The following TRPC5 variants were observed in gnomAD, a reference collection of about 807,000 sequenced individuals.
The protein encoded by TRPC5 is transient receptor potential cation channel subfamily C member 5, also known as short transient receptor potential channel 5.
In TRPC5, 9 loss-of-function variants were observed where a neutral mutation model predicts 56.5. That is an observed-to-expected ratio of 0.16 (90% confidence interval 0.10 to 0.28). The LOEUF is 0.28. TRPC5 is among the 10% of genes least tolerant of loss of function. The pLI, the probability that TRPC5 is intolerant of heterozygous loss-of-function variation, is 1.00. For missense variants in TRPC5, 469 were observed against 748.9 expected, an observed-to-expected ratio of 0.63 and a Z score of 4.36; for synonymous variants, 282 against 278.5, an observed-to-expected ratio of 1.01 and a Z score of -0.13.
chrX:111,781,031 T>C, intron 9 of TRPC5, 134 bp downstream of exon 9: 1 of 640,487 alleles, frequency 1.6e-6, no homozygotes, highest in East Asian at 3.3e-5. Context: ...CAGCCCTTGA[T>C]AAATTACAGC....
At chrX:111,910,678 C>G (rs185125061) in intron 3 of TRPC5, among the ~76,000 whole-genome samples, 6,518 of 111,206 alleles carry the variant, frequency 0.059, 193 homozygotes, top group Middle Eastern at 0.12. Context: ...ATTACATGCA[C>G]CTGCCACCAC....
At chrX:111,973,339 C>T (rs1927833205) in intron 1 of TRPC5, among the ~76,000 whole-genome samples, 1 of 112,033 alleles carries the variant, frequency 8.9e-6, no homozygotes, top group African/African-American at 3.2e-5. Context: ...TAAAGTATTA[C>T]TGCTCACAGG....
rs994782597 is a variant in TRPC5, at chrX:111,770,871, T to G, written c.*5442A>C. On this transcript the variant is annotated 3_prime_UTR_variant, in exon 11 of 11. Coordinates refer to ENST00000262839, the MANE Select transcript of TRPC5 (RefSeq NM_012471.3). The stretch of plus-strand genomic sequence containing the variant: ...TTGTACTTTCAAATGGCTGGCTACC[T>G]TAGGCTTAAATAAAAGGCACACTGC... Among the ~76,000 whole-genome samples, 1 of 112,153 alleles carries G rather than the reference T, an allele frequency of 8.9e-6. No homozygotes were observed. Among genetic ancestry groups the G allele is most frequent in the South Asian group, 3.7e-4 (1 of 2,695 alleles).
intron 1 of TRPC5, among the ~76,000 whole-genome samples, chrX:111,959,829 C>T (rs1052433820): frequency 9.0e-6 from 1 of 111,373 alleles, no homozygotes; most frequent in African/African-American, 3.3e-5. Context: ...TAAAATAGCT[C>T]CCCAGGTGAA....
At chrX:111,802,486 C>A (rs900366621) in intron 7 of TRPC5, among the ~76,000 whole-genome samples, 2 of 111,546 alleles carry the variant, frequency 1.8e-5, no homozygotes, top group Non-Finnish European at 3.8e-5. Context: ...AAATTCCATG[C>A]CATTAAAATA....
Position 111,861,477 on chromosome X carries a change from T to C in TRPC5, c.901-7371A>G, listed in dbSNP as rs1923403912. 5.4e-5 allele frequency among the ~76,000 whole-genome samples: 6 copies of C among 112,124 alleles called. No individual in the cohort carries two copies. In the South Asian group the frequency reaches 2.2e-3, roughly 41 times the overall value. ...CAAAATGTACATTTTTATGCCTTCT[T>C]ATAATTTTTAAGAAAAACAATTTTT... On this transcript the variant is annotated intron_variant, in intron 3 of 10. Transcript: ENST00000262839.
At chrX:111,888,725 A>AGAGG (rs1924657351) in intron 3 of TRPC5, among the ~76,000 whole-genome samples, 1 of 103,383 alleles carries the variant, frequency 9.7e-6, no homozygotes, top group South Asian at 4.3e-4. Flanking sequence ...AAAAAGAAAG[A>AGAGG]AAAGAAAAGA....
intron 7 of TRPC5, among the ~76,000 whole-genome samples, chrX:111,816,793 ATT>A (rs1306842310): frequency 9.0e-6 from 1 of 111,476 alleles, no homozygotes; most frequent in East Asian, 2.8e-4. Context: ...ACCCCTCTCC[ATT>A]GTTATGGAAG....
intron 1 of TRPC5, among the ~76,000 whole-genome samples, chrX:112,049,423 G>A (rs183906263): frequency 0.011 from 1,128 of 98,126 alleles, 12 homozygotes; most frequent in African/African-American, 0.041. Context: ...ATACACACAC[G>A]CATATATATA....
chrX:111,843,904 G>GTC (rs1922838092), intron 6 of TRPC5, among the ~76,000 whole-genome samples: 1 of 106,175 alleles, frequency 9.4e-6, no homozygotes, highest in Admixed American at 1.0e-4. Flanking sequence ...GTGTGTGTGT[G>GTC]TGTGTGTGTG....
chrX:112,018,290 A>C (rs1291936406), intron 1 of TRPC5, among the ~76,000 whole-genome samples: 2 of 112,673 alleles, frequency 1.8e-5, no homozygotes, highest in Non-Finnish European at 3.7e-5. Context: ...AAATAATTGA[A>C]TAAAGGAATT....
At chrX:111,930,293 C>T (rs2148627897) in intron 2 of TRPC5, among the ~76,000 whole-genome samples, 1 of 111,022 alleles carries the variant, frequency 9.0e-6, no homozygotes, top group Admixed American at 9.6e-5. Flanking sequence ...ACTTAAAATA[C>T]AAAAATTAGC....
intron 1 of TRPC5, among the ~76,000 whole-genome samples, chrX:111,996,100 T>G (rs1928521712): frequency 8.9e-6 from 1 of 112,244 alleles, no homozygotes; most frequent in Non-Finnish European, 1.9e-5. Context: ...AGATCTTTCC[T>G]GCTTTCTCTT....
intron 7 of TRPC5, among the ~76,000 whole-genome samples, chrX:111,787,362 A>G (rs1945975864): frequency 9.0e-6 from 1 of 111,645 alleles, no homozygotes; most frequent in Non-Finnish European, 1.9e-5. Flanking sequence ...AATCAATGAG[A>G]ACAAAGACAC....
At chrX:112,070,924 T>G (rs1930703657) in intron 1 of TRPC5, among the ~76,000 whole-genome samples, 1 of 111,879 alleles carries the variant, frequency 8.9e-6, no homozygotes, top group Admixed American at 9.5e-5. Context: ...AAGTTCTAAC[T>G]ATGCACCAGG....
At chrX:111,857,149 A>C (rs958719883) in intron 3 of TRPC5, among the ~76,000 whole-genome samples, 12 of 112,112 alleles carry the variant, frequency 1.1e-4, no homozygotes, top group African/African-American at 3.9e-4. Context: ...AATTAGATTT[A>C]GATGTTGAAA....
chrX:111,823,827 G>A (rs745423321), intron 7 of TRPC5, among the ~76,000 whole-genome samples: 2 of 110,960 alleles, frequency 1.8e-5, no homozygotes, highest in South Asian at 3.9e-4. Flanking sequence ...GTCTGAGGTT[G>A]GGCAGGGGTC....
chrX:111,815,137 G>A (rs1232228521), intron 7 of TRPC5, among the ~76,000 whole-genome samples: 1 of 111,803 alleles, frequency 8.9e-6, no homozygotes, highest in Non-Finnish European at 1.9e-5. Context: ...TCAGAAAGAG[G>A]CTACCATATG....
chrX:111,778,947 G>A, intron 10 of TRPC5, 38 bp downstream of exon 10: 1 of 981,342 alleles, frequency 1.0e-6, no homozygotes, highest in Non-Finnish European at 1.4e-6. Flanking sequence ...TGATGCTTAT[G>A]ATATGTAAAA....
Sources: gnomAD v4.1 joint callset for allele counts (sites outside exome capture counted in the v4.1 genomes callset) on GRCh38, gnomAD v4.1.1 for gene constraint, MANE v1.5 for transcripts, NCBI Gene and HGNC (gene_info 2026-07-23, HGNC 2026-07-21) for gene names.